FGF7: variants seen among roughly 807,000 people sequenced by gnomAD.
FGF7 encodes FGF-7.
FGF7 carries 6 observed loss-of-function variants against 20.5 expected under a neutral mutation model. The ratio of observed to expected loss-of-function variants is 0.29; its 90% CI spans 0.16 to 0.58. The LOEUF (loss-of-function observed/expected upper bound fraction) is 0.58, where lower values mean the gene tolerates loss of function less well. FGF7 is among the 20% of genes least tolerant of loss of function. The probability of loss-of-function intolerance (pLI) is 0.90; values close to 1 mark genes in which losing one functional copy is unlikely to be tolerated. For synonymous variants in FGF7, 64 were observed against 74.7 expected, an observed-to-expected ratio of 0.86 and a Z score of 0.74; for missense variants, 144 against 228.8, an observed-to-expected ratio of 0.63 and a Z score of 2.39.
intron 3 of FGF7, among the ~76,000 whole-genome samples, chr15:49,483,700 C>G (rs1311393646): frequency 1.3e-5 from 2 of 152,006 alleles, no homozygotes; most frequent in African/African-American, 2.4e-5. Context: ...TGTAATTATT[C>G]ACATTGTCCC....
intron 2 of FGF7, among the ~76,000 whole-genome samples, chr15:49,455,846 G>A (rs925940864): frequency 2.0e-5 from 3 of 151,956 alleles, no homozygotes; most frequent in Non-Finnish European, 2.9e-5. Flanking sequence ...TTGAACCATG[G>A]CTTTTTTCTT....
chr15:49,462,660 G>A (rs2053911306), intron 2 of FGF7, among the ~76,000 whole-genome samples: 1 of 152,130 alleles, frequency 6.6e-6, no homozygotes, highest in South Asian at 2.1e-4. Flanking sequence ...ACTCACTGTT[G>A]CTCACAGATT....
chr15:49,451,572 G>A (rs550893376), intron 2 of FGF7, among the ~76,000 whole-genome samples: 7 of 151,770 alleles, frequency 4.6e-5, no homozygotes, highest in African/African-American at 1.7e-4. Context: ...AATCTTCTTA[G>A]AATTCCTCTT....
At chr15:49,434,905 T>C (rs557533330) in intron 2 of FGF7, among the ~76,000 whole-genome samples, 1 of 151,696 alleles carries the variant, frequency 6.6e-6, no homozygotes, top group Non-Finnish European at 1.5e-5. Flanking sequence ...ACAATGTTTT[T>C]CCTTTAAAGG....
rs2056384622 is a variant in FGF7, at chr15:49,486,125, A to G, written c.*1621A>G. The G allele has an allele frequency of 6.6e-6, 1 of 152,060 alleles. No individual in the cohort carries two copies. The highest frequency in any genetic ancestry group is 1.5e-5 in the Non-Finnish European group (1 of 67,946). The allele number at this position is 152,060 out of a possible 1,614,324, so 9.4% of individuals were successfully genotyped here. The stretch of plus-strand genomic sequence containing the variant: ...ATCTAATTTAAAAGGTATGCTAACC[A>G]CTGTGGTTTTAATTTCAAAATATTT... On this transcript the variant is annotated 3_prime_UTR_variant, in exon 4 of 4. Coordinates refer to ENST00000267843, the MANE Select transcript of FGF7 (RefSeq NM_002009.4).
intron 2 of FGF7, among the ~76,000 whole-genome samples, chr15:49,463,592 G>A (rs1222598771): frequency 6.6e-6 from 1 of 150,644 alleles, no homozygotes; most frequent in Non-Finnish European, 1.5e-5. Flanking sequence ...AGCTGCATAA[G>A]TTCTTAATGG....
At chr15:49,425,313 A>G (rs181250590) in intron 2 of FGF7, 24 of 152,114 alleles carry the variant, frequency 1.6e-4, no homozygotes, top group Admixed American at 1.3e-3. Flanking sequence ...TTTCAATTTA[A>G]AGCCTTACAT....
intron 2 of FGF7, among the ~76,000 whole-genome samples, chr15:49,481,593 CCTGTGTTCT>C (rs1368779605): frequency 2.6e-5 from 4 of 152,082 alleles, no homozygotes; most frequent in Non-Finnish European, 4.4e-5. Context: ...CCTATTCAGG[CCTGTGTTCT>C]TCAAAATTCT....
At chr15:49,444,724 G>A (rs1597234982) in intron 2 of FGF7, among the ~76,000 whole-genome samples, 1 of 151,534 alleles carries the variant, frequency 6.6e-6, no homozygotes. Context: ...TGTCTCAAAG[G>A]CTAGAAATAA....
chr15:49,477,949 A>C (rs1341737018), intron 2 of FGF7, among the ~76,000 whole-genome samples: 3 of 152,100 alleles, frequency 2.0e-5, no homozygotes, highest in Non-Finnish European at 4.4e-5. Context: ...TTTTAGATTC[A>C]GGGGGTACAT....
intron 2 of FGF7, among the ~76,000 whole-genome samples, chr15:49,432,739 T>C (rs527749562): frequency 6.6e-6 from 1 of 151,726 alleles, no homozygotes; most frequent in East Asian, 2.0e-4. Context: ...TTTCGGACTA[T>C]TAGAGTAATA....
intron 2 of FGF7, among the ~76,000 whole-genome samples, chr15:49,474,396 C>T (rs765258109): frequency 2.6e-5 from 4 of 152,042 alleles, no homozygotes; most frequent in Admixed American, 6.5e-5. Context: ...GATATATTCA[C>T]GTATAATTGG....
chr15:49,468,498 T>C (rs898520160), intron 2 of FGF7, among the ~76,000 whole-genome samples: 3 of 152,186 alleles, frequency 2.0e-5, no homozygotes, highest in Non-Finnish European at 4.4e-5. Context: ...AGGGCATGCT[T>C]TCTTAGGGTA....
intron 2 of FGF7, chr15:49,434,340 A>G (rs2050891509): frequency 6.6e-6 from 1 of 151,602 alleles, no homozygotes; most frequent in Non-Finnish European, 1.5e-5. Flanking sequence ...TGCTAGACTA[A>G]GAATGCAATA....
intron 2 of FGF7, among the ~76,000 whole-genome samples, chr15:49,456,534 T>C (rs1183721029): frequency 1.3e-5 from 2 of 152,162 alleles, no homozygotes; most frequent in African/African-American, 4.8e-5. Flanking sequence ...AGCATTCAAC[T>C]GGATATATAT....
At chr15:49,479,599 GTTTTTTTTTTTT>G (rs56097665) in intron 2 of FGF7, among the ~76,000 whole-genome samples, 1 of 63,292 alleles carries the variant, frequency 1.6e-5, no homozygotes, top group African/African-American at 6.3e-5. Context: ...TAATACCTCT[GTTTTTTTTTTTT>G]TTTTTTTTTT....
rs188457611 is a variant in FGF7 at position 49,466,842 on chromosome 15, G to A, written c.287-16309G>A. ...AGTAAACTCAGATGTTTTTATTTCT[G>A]CCTCTTTTTCCTTTCACTTTCATTT... On this transcript the variant is annotated intron_variant, in intron 2 of 3. Coordinates refer to ENST00000267843, the MANE Select transcript of FGF7 (RefSeq NM_002009.4). Among the ~76,000 whole-genome samples, 44 of 152,112 alleles carry A rather than the reference G, an allele frequency of 2.9e-4. 1 individual carries two copies. The East Asian group carries it at 5.6e-3, about 19-fold the overall frequency.
At chr15:49,481,869 G>A (rs2055979412) in intron 2 of FGF7, among the ~76,000 whole-genome samples, 1 of 152,050 alleles carries the variant, frequency 6.6e-6, no homozygotes, top group African/African-American at 2.4e-5. Flanking sequence ...TTGGGAAAAG[G>A]GCTTCTATAT....
chr15:49,475,576 AAAT>A (rs2055184635), intron 2 of FGF7, among the ~76,000 whole-genome samples: 1 of 152,074 alleles, frequency 6.6e-6, no homozygotes, highest in Admixed American at 6.6e-5. Context: ...TTAACAAATA[AAAT>A]ATTATGCTAA....
Sources: allele counts gnomAD v4.1 joint callset (sites outside exome capture counted in the v4.1 genomes callset), GRCh38; gene constraint gnomAD v4.1.1; transcripts MANE v1.5; gene names NCBI Gene and HGNC (gene_info 2026-07-23, HGNC 2026-07-21).